CPNE8: variants seen among roughly 807,000 people sequenced by gnomAD.
CPNE8 encodes copine 8, also known as copine-8.
In CPNE8, 45 loss-of-function variants were observed where a neutral mutation model predicts 81.5. That is an observed-to-expected ratio of 0.55 (90% confidence interval 0.44 to 0.71). CPNE8 has a LOEUF of 0.71. CPNE8 is among the 30% of genes least tolerant of loss of function. CPNE8 has a pLI of 0.00. For synonymous variants in CPNE8, 252 were observed against 226.3 expected (o/e 1.11, Z -1.02); for missense variants, 594 against 672.1 (o/e 0.88, Z 1.28).
chr12:38,724,464 G>A (rs548084835), intron 12 of CPNE8, among the ~76,000 whole-genome samples: 4 of 152,180 alleles, frequency 2.6e-5, no homozygotes, highest in African/African-American at 4.8e-5. Context: ...CACATCCCAC[G>A]AAACGAGTCT....
intron 6 of CPNE8, among the ~76,000 whole-genome samples, chr12:38,800,351 T>C (rs941815154): frequency 3.8e-5 from 1 of 26,640 alleles, no homozygotes; most frequent in African/African-American, 6.5e-5. Flanking sequence ...CCCTGACCCC[T>C]GACCCCCGAG....
chr12:38,746,735 T>C (rs826859), intron 10 of CPNE8, among the ~76,000 whole-genome samples: 152,200 of 152,344 alleles, frequency 1, 76,029 homozygotes, highest in Non-Finnish European at 1. Flanking sequence ...AAAATCATCG[T>C]CATAAAGCAG....
chr12:38,872,519 A>G (rs746708396), intron 3 of CPNE8, among the ~76,000 whole-genome samples: 3 of 152,244 alleles, frequency 2.0e-5, no homozygotes, highest in Non-Finnish European at 4.4e-5. Flanking sequence ...AAATAAATTA[A>G]CAATTCAGTC....
intron 10 of CPNE8, among the ~76,000 whole-genome samples, chr12:38,748,042 ACT>A (rs1003015260): frequency 6.6e-6 from 1 of 151,922 alleles, no homozygotes; most frequent in Admixed American, 6.6e-5. Context: ...AGACAGTCTC[ACT>A]CTGTCGCTCA....
At chr12:38,748,253 C>T (rs558740352) in intron 10 of CPNE8, among the ~76,000 whole-genome samples, 1 of 152,110 alleles carries the variant, frequency 6.6e-6, no homozygotes, top group East Asian at 1.9e-4. Context: ...TCAAGTGATC[C>T]GCCTGCCGCA....
chr12:38,769,237 G>C (rs1317158683), intron 7 of CPNE8, among the ~76,000 whole-genome samples: 6 of 152,020 alleles, frequency 3.9e-5, no homozygotes, highest in Non-Finnish European at 1.5e-5. Flanking sequence ...TTTACTTGTA[G>C]CATGTAGCTG....
intron 1 of CPNE8, among the ~76,000 whole-genome samples, chr12:38,899,361 G>A (rs1474237731): frequency 6.6e-6 from 1 of 152,074 alleles, no homozygotes; most frequent in Non-Finnish European, 1.5e-5. Flanking sequence ...AGTACAGTGA[G>A]AAGCTGGCAG....
intron 16 of CPNE8, among the ~76,000 whole-genome samples, chr12:38,683,923 T>C (rs1417922587): frequency 6.6e-6 from 1 of 152,122 alleles, no homozygotes; most frequent in Non-Finnish European, 1.5e-5. Flanking sequence ...ATTTTAAATG[T>C]ATATAGAAAT....
intron 12 of CPNE8, 69 bp from the exon 13 acceptor site, chr12:38,723,902 G>T: frequency 1.2e-6 from 1 of 861,928 alleles, no homozygotes; most frequent in South Asian, 1.5e-5. Flanking sequence ...CTAATTATTA[G>T]AGAGAAAATC....
intron 4 of CPNE8, among the ~76,000 whole-genome samples, chr12:38,842,750 G>T (rs1943494103): frequency 6.6e-6 from 1 of 151,468 alleles, no homozygotes; most frequent in African/African-American, 2.4e-5. Flanking sequence ...GCTAATTTTT[G>T]TATTTTTAGT....
intron 8 of CPNE8, among the ~76,000 whole-genome samples, chr12:38,766,110 G>A (rs575702698): frequency 5.6e-4 from 85 of 152,116 alleles, no homozygotes; most frequent in African/African-American, 2.0e-3. Flanking sequence ...CGCCTGCCTC[G>A]GCCTCCTACA....
chr12:38,672,306 G>A (rs1192549867), intron 18 of CPNE8, among the ~76,000 whole-genome samples: 2 of 152,180 alleles, frequency 1.3e-5, no homozygotes, highest in African/African-American at 4.8e-5. Flanking sequence ...AGGCAATACT[G>A]TATTAGCATG....
intron 13 of CPNE8, among the ~76,000 whole-genome samples, chr12:38,704,864 T>TATATATATA (rs1940064957): frequency 1.2e-4 from 9 of 73,834 alleles, no homozygotes; most frequent in African/African-American, 4.3e-4. Flanking sequence ...ATATATATAT[T>TATATATATA]TAAATTTCGG....
At chr12:38,696,075 A>T (rs1489202693) in intron 14 of CPNE8, among the ~76,000 whole-genome samples, 1 of 152,236 alleles carries the variant, frequency 6.6e-6, no homozygotes, top group African/African-American at 2.4e-5. Flanking sequence ...AAATAAAAAA[A>T]TATAATTAGT....
chr12:38,890,945 G>A (rs1944305828), intron 1 of CPNE8, among the ~76,000 whole-genome samples: 1 of 150,568 alleles, frequency 6.6e-6, no homozygotes. Flanking sequence ...TTGAGAGAGA[G>A]AGAAAGAGTC....
chr12:38,735,812 A>C (rs1940940596), intron 10 of CPNE8, among the ~76,000 whole-genome samples: 1 of 151,942 alleles, frequency 6.6e-6, no homozygotes, highest in South Asian at 2.1e-4. Flanking sequence ...GTAAACACAA[A>C]CTATAAGCAT....
chr12:38,807,169 A>C (rs1299818251), intron 6 of CPNE8, among the ~76,000 whole-genome samples: 4 of 151,742 alleles, frequency 2.6e-5, no homozygotes, highest in Admixed American at 2.0e-4. Context: ...GAAAATGGCC[A>C]TACTGCCCAA....
chr12:38,697,483 T>C (rs1417431749), intron 14 of CPNE8, among the ~76,000 whole-genome samples: 1 of 152,222 alleles, frequency 6.6e-6, no homozygotes, highest in Non-Finnish European at 1.5e-5. Context: ...GTTTTTTTGC[T>C]GACATATGTT....
intron 6 of CPNE8, among the ~76,000 whole-genome samples, chr12:38,819,808 A>G (rs961087699): frequency 6.6e-6 from 1 of 151,556 alleles, no homozygotes; most frequent in Non-Finnish European, 1.5e-5. Flanking sequence ...ATAATTCCCA[A>G]ATGTTCCTTC....
Sources: allele counts gnomAD v4.1 joint callset (sites outside exome capture counted in the v4.1 genomes callset), GRCh38; gene constraint gnomAD v4.1.1; transcripts MANE v1.5; gene names NCBI Gene and HGNC (gene_info 2026-07-23, HGNC 2026-07-21).